Variants in OSBPL6 observed in about 807,000 individuals in gnomAD.
OSBPL6 encodes the protein oxysterol binding protein like 6, also known as oxysterol-binding protein-related protein 6.
Under a neutral mutation model 125.8 loss-of-function variants are expected in OSBPL6, and 49 were observed. The observed-to-expected ratio is 0.39, with a 90% CI of 0.31 to 0.49. The LOEUF is 0.49. Ranked by LOEUF, OSBPL6 falls within the 20% of genes least tolerant of loss-of-function variation. The pLI is 0.88. For missense variants in OSBPL6, 986 were observed against 1,135.4 expected (o/e 0.87, Z 1.89); for synonymous variants, 394 against 391.8 (o/e 1.01, Z -0.07).
At chr2:178,251,290 A>G (rs1204327254) in intron 1 of OSBPL6, among the ~76,000 whole-genome samples, 2 of 151,926 alleles carry the variant, frequency 1.3e-5, no homozygotes, top group African/African-American at 2.4e-5. Flanking sequence ...GTTCTTAAAA[A>G]GTTTTCATTC....
At chr2:178,307,599 G>T (rs773437617) in intron 3 of OSBPL6, among the ~76,000 whole-genome samples, 2 of 152,038 alleles carry the variant, frequency 1.3e-5, no homozygotes, top group Non-Finnish European at 2.9e-5. Flanking sequence ...TACCAGGAAT[G>T]GAAGCACTTT....
Position 178,281,989 on chromosome 2 carries a change from C to T in OSBPL6, c.-350-2938C>T, listed in dbSNP as rs116268687. Among the ~76,000 whole-genome samples, 102 of 152,244 alleles carry T rather than the reference C, an allele frequency of 6.7e-4. 1 individual carries two copies. Among genetic ancestry groups the T allele is most frequent in the African/African-American group, 2.1e-3 (89 of 41,550 alleles). ...AAATTGTTTGCACAGAATTAAGGTCCGGTCCCTGCTTCCCGGAGTACACAC... is the reference window on the plus strand; with the variant it reads ...AAATTGTTTGCACAGAATTAAGGTCTGGTCCCTGCTTCCCGGAGTACACAC... On this transcript the variant is annotated intron_variant, in intron 1 of 24. Coordinates refer to ENST00000190611, the MANE Select transcript of OSBPL6 (RefSeq NM_032523.4).
At chr2:178,231,591 A>G (rs554946655) in intron 1 of OSBPL6, among the ~76,000 whole-genome samples, 1 of 150,850 alleles carries the variant, frequency 6.6e-6, no homozygotes, top group African/African-American at 2.4e-5. Flanking sequence ...TTCTATACCA[A>G]TATGAGCAGC....
chr2:178,361,922 G>A, intron 13 of OSBPL6, 107 bp downstream of exon 13: 4 of 1,332,214 alleles, frequency 3.0e-6, no homozygotes, highest in Non-Finnish European at 4.0e-6. Flanking sequence ...CATGGGGATA[G>A]TACAGTTTGC....
At position 178,377,578 on chromosome 2, in the gene OSBPL6, A is replaced by T. The variant is rs556692875; in HGVS notation, c.1533+3551A>T. Among the ~76,000 whole-genome samples the T allele has an allele frequency of 2.9e-4, 44 of 152,308 alleles. 1 individual carries two copies. In the East Asian group the frequency reaches 7.7e-3, roughly 27 times the overall value. ...GCAACCCACCTGGTGAGTTGACTAT[A>T]CATGTGGGAATCCTAGCAGCAGCTG... On this transcript the variant is annotated intron_variant, in intron 15 of 24. Transcript: ENST00000190611.
chr2:178,390,530 G>A lies in OSBPL6; in HGVS notation c.2302-543G>A, dbSNP rs1695316180. Among the ~76,000 whole-genome samples, 2 of 152,204 alleles carry A rather than the reference G, an allele frequency of 1.3e-5. 1 individual carries two copies. The highest frequency in any genetic ancestry group is 4.8e-5 in the African/African-American group (2 of 41,444). On this transcript the variant is annotated intron_variant, in intron 21 of 24. Transcript: ENST00000190611. ...TTGCCAGCTGTGGAATAACCTTGGA[G>A]CTACTTGGACAAGGAATTCTAGGGT...
At chr2:178,220,803 A>C (rs1220174932) in intron 1 of OSBPL6, among the ~76,000 whole-genome samples, 1 of 152,088 alleles carries the variant, frequency 6.6e-6, no homozygotes, top group African/African-American at 2.4e-5. Context: ...TTATGGTTCT[A>C]CCTCTGTTGC....
chr2:178,326,439 T>C (rs991392219), intron 4 of OSBPL6, among the ~76,000 whole-genome samples: 1 of 152,220 alleles, frequency 6.6e-6, no homozygotes, highest in Non-Finnish European at 1.5e-5. Flanking sequence ...CTTTTAGCTC[T>C]GTTATAAGTA....
intron 1 of OSBPL6, among the ~76,000 whole-genome samples, chr2:178,269,215 T>A (rs1300456044): frequency 6.6e-6 from 1 of 152,178 alleles, no homozygotes; most frequent in African/African-American, 2.4e-5. Context: ...CAGGAGGGCA[T>A]GTAGAGCTTC....
At position 178,301,329 on chromosome 2, in the gene OSBPL6, C is replaced by T. The variant is rs886698279; in HGVS notation, c.-155-4701C>T. ...CAAAATATACTGAGTACAACCTAAACGTCCCAAAAGAAGAATGGTTAAATG... is the reference window on the plus strand; with the variant it reads ...CAAAATATACTGAGTACAACCTAAATGTCCCAAAAGAAGAATGGTTAAATG... On this transcript the variant is annotated intron_variant, in intron 2 of 24. Coordinates refer to ENST00000190611, the MANE Select transcript of OSBPL6 (RefSeq NM_032523.4). 1.7e-4 allele frequency among the ~76,000 whole-genome samples: 26 copies of T among 152,054 alleles called. No individual in the cohort carries two copies. The South Asian group carries it at 4.1e-3, about 24-fold the overall frequency.
chr2:178,339,196 A>C, intron 10 of OSBPL6, 102 bp downstream of exon 10: 1 of 605,268 alleles, frequency 1.7e-6, no homozygotes. Context: ...AAGATAAATA[A>C]CTGCAATACA....
chr2:178,399,456 G>T lies in OSBPL6; in HGVS notation c.*3897G>T, dbSNP rs1696035079. ...GCATATATTTGTTATTGAATTGAAA[G>T]ACTTTTTTTGTAGCTTTTGCTTTTA... On this transcript the variant is annotated 3_prime_UTR_variant, in exon 25 of 25. Transcript: ENST00000190611. 2 of 152,160 alleles carry T rather than the reference G, an allele frequency of 1.3e-5. No individual in the cohort carries two copies. The highest frequency in any genetic ancestry group is 4.1e-4 in the South Asian group (2 of 4,838). 9.4% of individuals were successfully genotyped at this position (152,160 alleles called of 1,614,324 possible).
At chr2:178,320,800 C>G (rs948619707) in intron 3 of OSBPL6, among the ~76,000 whole-genome samples, 2 of 152,186 alleles carry the variant, frequency 1.3e-5, no homozygotes, top group Non-Finnish European at 2.9e-5. Flanking sequence ...CTAGATTTTC[C>G]TGTTTTAAAA....
intron 22 of OSBPL6, 97 bp downstream of exon 22, chr2:178,391,314 C>T (rs1187103748): frequency 2.3e-6 from 3 of 1,305,522 alleles, no homozygotes; most frequent in South Asian, 2.0e-5. Flanking sequence ...CATTATGTTT[C>T]CTTTAAGAGT....
In OSBPL6 at chr2:178,395,765, T is replaced by G; in HGVS notation, c.*206T>G. On this transcript the variant is annotated 3_prime_UTR_variant, in exon 25 of 25. Coordinates refer to ENST00000190611, the MANE Select transcript of OSBPL6 (RefSeq NM_032523.4). ...GATCCTTTCTGTTTTGCTGCAACCA[T>G]ATTCCTTAAAAAAAAAAAAAAAAAA... 1 of 375,264 alleles carries G rather than the reference T, an allele frequency of 2.7e-6. No homozygotes were observed. The highest frequency in any genetic ancestry group is 4.8e-6 in the Non-Finnish European group (1 of 206,760). The allele number at this position is 375,264 out of a possible 1,614,324, so 23.2% of individuals were successfully genotyped here. A position where few individuals can be genotyped will look rare whatever the true frequency, so the allele number is the denominator to read the frequency against.
chr2:178,201,907 G>T (rs139228968), intron 1 of OSBPL6, among the ~76,000 whole-genome samples: 2 of 152,318 alleles, frequency 1.3e-5, no homozygotes, highest in Admixed American at 1.3e-4. Context: ...TGCTTTATCA[G>T]ATATGATGTC....
chr2:178,205,290 G>A (rs949124693), intron 1 of OSBPL6, among the ~76,000 whole-genome samples: 1 of 152,164 alleles, frequency 6.6e-6, no homozygotes, highest in Non-Finnish European at 1.5e-5. Flanking sequence ...GATGAAGGCT[G>A]GTGGATGGGA....
intron 2 of OSBPL6, among the ~76,000 whole-genome samples, chr2:178,290,451 G>A (rs1391115740): frequency 8.6e-6 from 1 of 116,028 alleles, no homozygotes; most frequent in African/African-American, 3.5e-5. Flanking sequence ...TCATTTTGAT[G>A]CTCAAACAAA....
chr2:178,238,928 C>A (rs2091173036), intron 1 of OSBPL6, among the ~76,000 whole-genome samples: 1 of 152,196 alleles, frequency 6.6e-6, no homozygotes, highest in South Asian at 2.1e-4. Flanking sequence ...TGTTAACAGT[C>A]ACCTCCATGT....
Sources: gnomAD v4.1 joint callset for allele counts (sites outside exome capture counted in the v4.1 genomes callset) on GRCh38, gnomAD v4.1.1 for gene constraint, MANE v1.5 for transcripts, NCBI Gene and HGNC (gene_info 2026-07-23, HGNC 2026-07-21) for gene names.